Variants in NUP98 observed in about 807,000 individuals in gnomAD.
NUP98 encodes the protein nuclear pore complex protein Nup98-Nup96.
NUP98 carries 26 observed loss-of-function variants against 191.9 expected under a neutral mutation model. The observed-to-expected ratio is 0.14, with a 90% CI of 0.10 to 0.19. The LOEUF (loss-of-function observed/expected upper bound fraction) is 0.19, where lower values mean the gene tolerates loss of function less well. NUP98 is among the 10% of genes least tolerant of loss of function. The pLI is 1.00. For synonymous variants in NUP98, 808 were observed against 778.4 expected (o/e 1.04, Z -0.63); for missense variants, 1,941 against 2,178.8 (o/e 0.89, Z 2.17).
At position 3,746,294 on chromosome 11, in the gene NUP98, A is replaced by AAACG. The variant is rs144936005; in HGVS notation, c.1268-1646_1268-1645insCGTT. Among the ~76,000 whole-genome samples the AAACG allele has an allele frequency of 1.2e-3, 109 of 93,084 alleles. 1 individual carries two copies. Among genetic ancestry groups the AAACG allele is most frequent in the Non-Finnish European group, 1.6e-3 (81 of 51,130 alleles). The allele number at this position is 93,084 out of a possible 152,430, so 61.1% of individuals were successfully genotyped here. On this transcript the variant is annotated intron_variant, in intron 11 of 32. Transcript: ENST00000324932. ...CAAAAAAAAAAAAAAAAAAAAAAAAAGACAGCTTTGGGACAAAGAATAAGA... is the reference window on the plus strand; with the variant it reads ...CAAAAAAAAAAAAAAAAAAAAAAAAAAACGGACAGCTTTGGGACAAAGAATAAGA...
intron 19 of NUP98, among the ~76,000 whole-genome samples, chr11:3,713,426 AAG>A (rs1267862947): frequency 1.3e-5 from 2 of 152,172 alleles, no homozygotes; most frequent in African/African-American, 4.8e-5. Context: ...TCTAAAAATA[AAG>A]AGAATTTGGC....
In NUP98 at chr11:3,718,595, GGGAAA is replaced by G. The variant is rs569498256; in HGVS notation, c.2399+812_2399+816del. ...AAAGGGAAAAGAAAAGAAGCGGAAG[GGGAAA>G]GGAAAGGAAAGGATCGATTGATCTG... On this transcript the variant is annotated intron_variant, in intron 18 of 32. Coordinates refer to ENST00000324932, the MANE Select transcript of NUP98 (RefSeq NM_016320.5). Among the ~76,000 whole-genome samples the G allele has an allele frequency of 6.2e-4, 95 of 152,048 alleles. No individual in the cohort carries two copies. In the East Asian group the frequency reaches 6.8e-3, roughly 11 times the overall value.
intron 1 of NUP98, among the ~76,000 whole-genome samples, chr11:3,785,125 G>A (rs551574653): frequency 1.7e-3 from 251 of 151,426 alleles, no homozygotes; most frequent in Non-Finnish European, 2.5e-3. Flanking sequence ...GCAACACAGC[G>A]AGACTCTGTC....
At chr11:3,790,919 A>G (rs1468111345) in intron 1 of NUP98, among the ~76,000 whole-genome samples, 1 of 147,400 alleles carries the variant, frequency 6.8e-6, no homozygotes, top group Non-Finnish European at 1.5e-5. Context: ...TTTTTGAGAC[A>G]GAGTCTGGCT....
chr11:3,742,266 T>G (rs2080310832), intron 12 of NUP98, among the ~76,000 whole-genome samples: 1 of 152,204 alleles, frequency 6.6e-6, no homozygotes, highest in Non-Finnish European at 1.5e-5. Flanking sequence ...GGAAAAAATC[T>G]GGGCAGCACT....
rs980419410 is a variant in NUP98, at chr11:3,762,884, T to A, written c.1086+18A>T. 6.2e-7 allele frequency: 1 copy of A among 1,608,510 alleles called. No homozygotes were observed. Among genetic ancestry groups the A allele is most frequent in the Non-Finnish European group, 8.5e-7 (1 of 1,178,310 alleles). On this transcript the variant is annotated intron_variant, in intron 9 of 32. Transcript: ENST00000324932. ...ATTTACACACATCTTCAAATTACAG[T>A]CAACTGCAGAAACCTACCGAACCAA...
chr11:3,685,100 A>C (rs10834848), intron 29 of NUP98, among the ~76,000 whole-genome samples: 33,407 of 152,128 alleles, frequency 0.22, 3,815 homozygotes, highest in Middle Eastern at 0.27. Flanking sequence ...AACATAAAAC[A>C]GTTAATATAT....
At chr11:3,710,632 G>A (rs903565474) in intron 20 of NUP98, among the ~76,000 whole-genome samples, 5 of 152,140 alleles carry the variant, frequency 3.3e-5, no homozygotes, top group African/African-American at 1.2e-4. Context: ...GAGATGAGAA[G>A]ACTGCTATTT....
Position 3,675,502 on chromosome 11 carries a change from T to C in NUP98, c.*657A>G. The C allele has an allele frequency of 4.4e-6, 1 of 229,814 alleles. No individual in the cohort carries two copies. The allele number at this position is 229,814 out of a possible 1,614,324, so 14.2% of individuals were successfully genotyped here. A position where few individuals can be genotyped will look rare whatever the true frequency, so the allele number is the denominator to read the frequency against. On this transcript the variant is annotated 3_prime_UTR_variant, in exon 33 of 33. Transcript: ENST00000324932. ...ACATGTGACCAAGGGTTCCTGCACA[T>C]AGTAGTAGCAAAGGTATGGTGTTCA...
rs1417116012 is a variant in NUP98 at position 3,733,492 on chromosome 11, A to C, written c.1542+1699T>G. 3.3e-5 allele frequency among the ~76,000 whole-genome samples: 5 copies of C among 151,832 alleles called. No homozygotes were observed. The South Asian group carries it at 8.3e-4, about 25-fold the overall frequency. ...ATGCCTGGCTAATTTTTTTTTATTT[A>C]GTATAGATGGGGTTTCACCATGTTG... On this transcript the variant is annotated intron_variant, in intron 13 of 32. Transcript: ENST00000324932.
At chr11:3,786,845 CTA>C (rs2082157437) in intron 1 of NUP98, among the ~76,000 whole-genome samples, 1 of 152,226 alleles carries the variant, frequency 6.6e-6, no homozygotes, top group African/African-American at 2.4e-5. Flanking sequence ...ATCTGAAAGA[CTA>C]TGCAAGCTTC....
chr11:3,698,240 A>G (rs1037128072), intron 25 of NUP98, among the ~76,000 whole-genome samples: 1 of 152,368 alleles, frequency 6.6e-6, no homozygotes, highest in East Asian at 1.9e-4. Context: ...GTGTCTGGAC[A>G]TATTTGTATG....
At chr11:3,770,205 G>C (rs1398881354) in intron 7 of NUP98, among the ~76,000 whole-genome samples, 1 of 152,172 alleles carries the variant, frequency 6.6e-6, no homozygotes, top group African/African-American at 2.4e-5. Flanking sequence ...AATTGGCCAG[G>C]CATGGTGGCG....
intron 1 of NUP98, 28 bp downstream of exon 1, chr11:3,797,372 G>A (rs2082717543): frequency 5.0e-6 from 2 of 401,522 alleles, no homozygotes; most frequent in Non-Finnish European, 4.4e-6. Flanking sequence ...GCCGGTCTCG[G>A]CCGCTGCAGC....
intron 15 of NUP98, among the ~76,000 whole-genome samples, chr11:3,724,101 C>A (rs1047254790): frequency 6.6e-6 from 1 of 151,760 alleles, no homozygotes; most frequent in Admixed American, 6.6e-5. Flanking sequence ...ATATATCATT[C>A]GTGCATAATC....
At chr11:3,730,892 T>C (rs2079820336) in intron 14 of NUP98, among the ~76,000 whole-genome samples, 1 of 152,210 alleles carries the variant, frequency 6.6e-6, no homozygotes, top group South Asian at 2.1e-4. Context: ...AAAATATTTT[T>C]ATGCTAACTA....
intron 25 of NUP98, among the ~76,000 whole-genome samples, chr11:3,697,639 T>A (rs569084361): frequency 4.0e-5 from 6 of 151,572 alleles, no homozygotes; most frequent in African/African-American, 1.5e-4. Flanking sequence ...CGAAACCCTG[T>A]CTCTACTAAA....
rs546034993 is a variant in NUP98, at chr11:3,698,039, T to C, written c.4009+1043A>G. ...TTTTATAGCAATTCAGAGTACTGTT[T>C]ATAGTTTTAAAAAAAGTCTCAATGT... On this transcript the variant is annotated intron_variant, in intron 25 of 32. Coordinates refer to ENST00000324932, the MANE Select transcript of NUP98 (RefSeq NM_016320.5). 2.6e-5 allele frequency among the ~76,000 whole-genome samples: 4 copies of C among 152,288 alleles called. No homozygotes were observed. In the East Asian group the frequency reaches 5.8e-4, roughly 22 times the overall value.
intron 11 of NUP98, among the ~76,000 whole-genome samples, chr11:3,747,221 G>C (rs1309977939): frequency 6.6e-6 from 1 of 152,134 alleles, no homozygotes; most frequent in Non-Finnish European, 1.5e-5. Context: ...AATGGTAATA[G>C]TGGCCTTAGA....
Sources: gnomAD v4.1 joint callset for allele counts (sites outside exome capture counted in the v4.1 genomes callset) on GRCh38, gnomAD v4.1.1 for gene constraint, MANE v1.5 for transcripts, NCBI Gene and HGNC (gene_info 2026-07-23, HGNC 2026-07-21) for gene names.